Variants in HPN observed in about 807,000 individuals in gnomAD.
The protein encoded by HPN is hepsin, also known as serine protease hepsin.
In HPN, 13 loss-of-function variants were observed where a neutral mutation model predicts 55.9. The observed-to-expected ratio is 0.23, with a 90% CI of 0.15 to 0.37. HPN has a LOEUF of 0.37. Ranked by LOEUF, HPN falls within the 10% of genes least tolerant of loss-of-function variation. The pLI, the probability that HPN is intolerant of heterozygous loss-of-function variation, is 1.00. For synonymous variants in HPN, 225 were observed against 240.3 expected (o/e 0.94, Z 0.59); for missense variants, 451 against 575.8 (o/e 0.78, Z 2.22).
In HPN at chr19:35,066,332, C is replaced by G. The variant is rs1447653820; in HGVS notation, c.*45C>G. On this transcript the variant is annotated 3_prime_UTR_variant, in exon 13 of 13. Transcript: ENST00000672452. ...CAGCCTCCAGGGCCCGAGGTGATCC[C>G]GGTGGTGGGATCCACGCTGGGCCTA... 1 of 1,590,418 alleles carries G rather than the reference C, an allele frequency of 6.3e-7. No individual in the cohort carries two copies. Among genetic ancestry groups the G allele is most frequent in the African/African-American group, 1.3e-5 (1 of 74,326 alleles).
chr19:35,063,286 C>A (rs547822630), intron 9 of HPN, among the ~76,000 whole-genome samples: 2 of 152,374 alleles, frequency 1.3e-5, no homozygotes, highest in Admixed American at 1.3e-4. Flanking sequence ...TTGTGGCCCC[C>A]ACGCTGTGGT....
Sources: allele counts gnomAD v4.1 joint callset (sites outside exome capture counted in the v4.1 genomes callset), GRCh38; gene constraint gnomAD v4.1.1; transcripts MANE v1.5; gene names NCBI Gene and HGNC (gene_info 2026-07-23, HGNC 2026-07-21).